Variants in SUZ12 observed in about 807,000 individuals in gnomAD.
SUZ12 encodes the protein polycomb protein SUZ12.
Under a neutral mutation model 87.3 loss-of-function variants are expected in SUZ12, and 17 were observed. The ratio of observed to expected loss-of-function variants is 0.19; its 90% confidence interval spans 0.13 to 0.29. The LOEUF is 0.29. SUZ12 is among the 10% of genes least tolerant of loss of function. The probability of loss-of-function intolerance (pLI) is 1.00; values close to 1 mark genes in which losing one functional copy is unlikely to be tolerated. For synonymous variants in SUZ12, 253 were observed against 312.4 expected, an observed-to-expected ratio of 0.81 and a Z score of 2.01; for missense variants, 526 against 912.2, an observed-to-expected ratio of 0.58 and a Z score of 5.45.
At chr17:31,988,775 G>A (rs1909546526) in intron 10 of SUZ12, among the ~76,000 whole-genome samples, 1 of 151,448 alleles carries the variant, frequency 6.6e-6, no homozygotes, top group Non-Finnish European at 1.5e-5. Flanking sequence ...TGTAGTTTTA[G>A]TAGAGACAGG....
intron 12 of SUZ12, 71 bp from the exon 13 acceptor site, chr17:31,994,493 C>T: frequency 3.7e-6 from 5 of 1,353,032 alleles, no homozygotes; most frequent in Non-Finnish European, 3.9e-6. Flanking sequence ...CCCACAAATT[C>T]TTTAATTAAA....
chr17:31,978,967 C>G lies in SUZ12; in HGVS notation c.917+2353C>G, dbSNP rs539057534. On this transcript the variant is annotated intron_variant, in intron 8 of 15. Transcript: ENST00000322652. ...CTAAAAATACAAAAATTAGCTGGGC[C>G]TGGTGGTGCGTGCCTGTAGTCCCAG... Among the ~76,000 whole-genome samples, 1,090 of 151,642 alleles carry G rather than the reference C, an allele frequency of 7.2e-3. 10 individuals are homozygous for G. Among genetic ancestry groups the G allele is most frequent in the African/African-American group, 0.025 (1,032 of 41,318 alleles).
intron 3 of SUZ12, among the ~76,000 whole-genome samples, chr17:31,941,144 C>T (rs1019726107): frequency 6.6e-6 from 1 of 151,448 alleles, no homozygotes; most frequent in Admixed American, 6.6e-5. Flanking sequence ...AGTGTCTGTC[C>T]AGGTTGGAGT....
At chr17:31,993,154 C>T (rs1360635004) in intron 10 of SUZ12, 88 bp from the exon 11 acceptor site, 22 of 772,950 alleles carry the variant, frequency 2.8e-5, no homozygotes, top group Non-Finnish European at 4.2e-5. Flanking sequence ...TTCTGTGAAA[C>T]CTTTAATATT....
At position 31,954,713 on chromosome 17, in the gene SUZ12, C is replaced by T. The variant is rs2627145; in HGVS notation, c.455+7028C>T. 6.1e-3 allele frequency among the ~76,000 whole-genome samples: 922 copies of T among 151,498 alleles called. 7 individuals are homozygous for T. The highest frequency in any genetic ancestry group is 0.021 in the African/African-American group (840 of 40,934). Reference sequence around the variant, plus strand: ...GAGGTGTTAGATTTGGGAATAATGACGATCAGGGAAGGCATCTCTGAAGAA... The same window carrying T: ...GAGGTGTTAGATTTGGGAATAATGATGATCAGGGAAGGCATCTCTGAAGAA... On this transcript the variant is annotated intron_variant, in intron 4 of 15. Transcript: ENST00000322652.
intron 5 of SUZ12, among the ~76,000 whole-genome samples, chr17:31,971,888 G>A (rs1436951557): frequency 3.3e-5 from 5 of 152,116 alleles, no homozygotes; most frequent in Non-Finnish European, 7.4e-5. Flanking sequence ...GCTTAAAATG[G>A]GAGAATCACT....
At chr17:31,964,609 A>G (rs1188182335) in intron 4 of SUZ12, among the ~76,000 whole-genome samples, 3 of 151,362 alleles carry the variant, frequency 2.0e-5, no homozygotes, top group African/African-American at 7.3e-5. Flanking sequence ...GTTTCACCAT[A>G]TTGGCCAGGC....
intron 4 of SUZ12, among the ~76,000 whole-genome samples, chr17:31,948,354 G>GA (rs1906758039): frequency 6.6e-6 from 1 of 152,048 alleles, no homozygotes; most frequent in South Asian, 2.1e-4. Flanking sequence ...ATTTTTGATA[G>GA]AAAATTGAAT....
intron 11 of SUZ12, 103 bp downstream of exon 11, chr17:31,993,436 A>G (rs1909823038): frequency 7.3e-6 from 6 of 827,566 alleles, no homozygotes; most frequent in Non-Finnish European, 1.1e-5. Flanking sequence ...TTATTTATTT[A>G]TTTGAGACAG....
At chr17:31,981,702 G>A (rs1909119777) in intron 8 of SUZ12, among the ~76,000 whole-genome samples, 1 of 152,204 alleles carries the variant, frequency 6.6e-6, no homozygotes, top group Admixed American at 6.5e-5. Context: ...AAATTCTTAA[G>A]TGTCAATCAT....
chr17:31,967,691 GC>G (rs951728986), intron 5 of SUZ12: 5 of 152,498 alleles, frequency 3.3e-5, no homozygotes, highest in African/African-American at 1.2e-4. Flanking sequence ...ACCAGCCTGG[GC>G]AACACAGACC....
intron 14 of SUZ12, 59 bp downstream of exon 14, chr17:31,995,821 G>T: frequency 7.6e-7 from 1 of 1,315,278 alleles, no homozygotes; most frequent in African/African-American, 1.5e-5. Flanking sequence ...TTTGAAAATT[G>T]CTTACTATGA....
intron 8 of SUZ12, among the ~76,000 whole-genome samples, chr17:31,980,039 A>G (rs1379510712): frequency 1.3e-5 from 2 of 148,168 alleles, no homozygotes; most frequent in East Asian, 3.9e-4. Context: ...GAGAGAGAGA[A>G]ACAGGCAGGC....
chr17:31,993,750 C>CT (rs1909837171), intron 11 of SUZ12, 115 bp from the exon 12 acceptor site: 1 of 1,095,054 alleles, frequency 9.1e-7, no homozygotes, highest in Admixed American at 2.7e-5. Context: ...AAGAGAATAT[C>CT]TCTAATTTGA....
chr17:31,937,047 G>C lies in SUZ12; in HGVS notation c.-200G>C. 4.4e-6 allele frequency: 2 copies of C among 453,562 alleles called. No homozygotes were observed. The highest frequency in any genetic ancestry group is 7.4e-6 in the Non-Finnish European group (2 of 268,486). 28.1% of individuals were successfully genotyped at this position (453,562 alleles called of 1,614,324 possible). On this transcript the variant is annotated 5_prime_UTR_variant, in exon 1 of 16. Coordinates refer to ENST00000322652, the MANE Select transcript of SUZ12 (RefSeq NM_015355.4). ...TAGGGTGAGCGGCCTCCGAAGCGGAGCGGGGCTCTGAGGAGACACTTTTTT... is the reference window on the plus strand; with the variant it reads ...TAGGGTGAGCGGCCTCCGAAGCGGACCGGGGCTCTGAGGAGACACTTTTTT...
intron 3 of SUZ12, among the ~76,000 whole-genome samples, chr17:31,942,946 G>A (rs543802983): frequency 4.6e-5 from 7 of 152,330 alleles, no homozygotes; most frequent in African/African-American, 1.7e-4. Flanking sequence ...TCTCGATAGA[G>A]TTTGAAACTA....
At chr17:31,960,380 T>G (rs1234574284) in intron 4 of SUZ12, among the ~76,000 whole-genome samples, 1 of 151,728 alleles carries the variant, frequency 6.6e-6, no homozygotes, top group Non-Finnish European at 1.5e-5. Context: ...CCAGCTAATT[T>G]ATGTGTTTTT....
intron 3 of SUZ12, among the ~76,000 whole-genome samples, chr17:31,941,322 T>C (rs1906266532): frequency 6.6e-6 from 1 of 151,760 alleles, no homozygotes; most frequent in South Asian, 2.1e-4. Context: ...AATGGTGCAA[T>C]CTCGGCTCAC....
rs544278263 is a variant in SUZ12 at position 31,952,852 on chromosome 17, C to T, written c.455+5167C>T. On this transcript the variant is annotated intron_variant, in intron 4 of 15. Coordinates refer to ENST00000322652, the MANE Select transcript of SUZ12 (RefSeq NM_015355.4). ...TGCTGGGATTACAGGCGTGTGGCAC[C>T]GTGCCTGTCCCCAATGTTGGAATTC... 3.3e-5 allele frequency among the ~76,000 whole-genome samples: 5 copies of T among 152,242 alleles called. 1 individual carries two copies. Among genetic ancestry groups the T allele is most frequent in the South Asian group, 2.1e-4 (1 of 4,826 alleles).
Sources: gnomAD v4.1 joint callset for allele counts (sites outside exome capture counted in the v4.1 genomes callset) on GRCh38, gnomAD v4.1.1 for gene constraint, MANE v1.5 for transcripts, NCBI Gene and HGNC (gene_info 2026-07-23, HGNC 2026-07-21) for gene names.